TBCK: variants seen among roughly 807,000 people sequenced by gnomAD.
TBCK encodes TBC1 domain containing kinase, also known as TBC domain-containing protein kinase-like protein.
Under a neutral mutation model 113.4 loss-of-function variants are expected in TBCK, and 99 were observed. The ratio of observed to expected loss-of-function variants is 0.87; its 90% CI spans 0.74 to 1.03. The LOEUF (loss-of-function observed/expected upper bound fraction) is 1.03. TBCK is among the 50% of genes least tolerant of loss of function. The pLI is 0.00. For missense variants in TBCK, 1,045 were observed against 1,061.3 expected (o/e 0.98, Z 0.21); for synonymous variants, 369 against 370.8 (o/e 1.00, Z 0.05).
intron 5 of TBCK, among the ~76,000 whole-genome samples, chr4:106,256,164 T>C (rs1761963503): frequency 6.6e-6 from 1 of 152,068 alleles, no homozygotes; most frequent in African/African-American, 2.4e-5. Flanking sequence ...GCACCACAAG[T>C]TCCCACTCAG....
intron 22 of TBCK, among the ~76,000 whole-genome samples, chr4:106,187,450 T>C (rs1369192494): frequency 6.6e-6 from 1 of 152,066 alleles, no homozygotes; most frequent in Non-Finnish European, 1.5e-5. Context: ...GGAGTCTTGC[T>C]CTGTTGCCCA....
At position 106,231,719 on chromosome 4, in the gene TBCK, A is replaced by G. The variant is rs780015612; in HGVS notation, c.1690+10T>C. On this transcript the variant is annotated intron_variant, in intron 18 of 25. Transcript: ENST00000394708. ...TGCGCAATGATTATTTAAATGTTAA[A>G]GAGGCTTACCTTCATTATTGAAGTT... 6.2e-7 allele frequency: 1 copy of G among 1,602,350 alleles called. No individual in the cohort carries two copies. The highest frequency in any genetic ancestry group is 8.5e-7 in the Non-Finnish European group (1 of 1,173,784).
chr4:106,071,443 T>C (rs1168557326), intron 25 of TBCK, among the ~76,000 whole-genome samples: 1 of 152,234 alleles, frequency 6.6e-6, no homozygotes, highest in Non-Finnish European at 1.5e-5. Context: ...TCTAGTTTGA[T>C]TGCACTGTGG....
chr4:106,313,381 GAA>G (rs937670526), intron 1 of TBCK, among the ~76,000 whole-genome samples: 2 of 143,312 alleles, frequency 1.4e-5, no homozygotes, highest in African/African-American at 2.6e-5. Context: ...CAAAAAAAAG[GAA>G]AAAAAAAAAG....
intron 20 of TBCK, among the ~76,000 whole-genome samples, chr4:106,210,674 A>G (rs1375309113): frequency 6.6e-6 from 1 of 152,164 alleles, no homozygotes; most frequent in Non-Finnish European, 1.5e-5. Context: ...GTGGATTTAT[A>G]TATATTTAAG....
At chr4:106,051,516 T>C (rs1734810399) in intron 25 of TBCK, among the ~76,000 whole-genome samples, 3 of 151,916 alleles carry the variant, frequency 2.0e-5, no homozygotes, top group Admixed American at 2.0e-4. Context: ...GCAATTATCC[T>C]ATAATAAGCA....
intron 20 of TBCK, among the ~76,000 whole-genome samples, chr4:106,200,961 A>G (rs986244141): frequency 5.3e-5 from 8 of 152,202 alleles, no homozygotes; most frequent in Admixed American, 2.6e-4. Context: ...AATATTGGGG[A>G]AAAATCCTTC....
At chr4:106,287,139 C>T (rs1448855024) in intron 3 of TBCK, among the ~76,000 whole-genome samples, 1 of 151,994 alleles carries the variant, frequency 6.6e-6, no homozygotes. Flanking sequence ...AGCACAAGAC[C>T]ATGGATAACA....
intron 25 of TBCK, among the ~76,000 whole-genome samples, chr4:106,070,149 T>C (rs934097616): frequency 1.3e-5 from 2 of 152,202 alleles, no homozygotes; most frequent in Admixed American, 1.3e-4. Flanking sequence ...TCCTGCCTGA[T>C]TGCCCTGGCC....
At chr4:106,098,964 A>C (rs924048339) in intron 24 of TBCK, among the ~76,000 whole-genome samples, 1 of 152,124 alleles carries the variant, frequency 6.6e-6, no homozygotes, top group African/African-American at 2.4e-5. Flanking sequence ...AAATTACTGT[A>C]AACTTCTGAT....
intron 23 of TBCK, among the ~76,000 whole-genome samples, chr4:106,125,960 T>C (rs142303230): frequency 4.6e-5 from 7 of 152,356 alleles, no homozygotes; most frequent in African/African-American, 1.7e-4. Context: ...ATAAAGTATT[T>C]AGAATGGCGT....
intron 3 of TBCK, among the ~76,000 whole-genome samples, chr4:106,265,776 GCT>G (rs965995494): frequency 6.6e-6 from 1 of 151,486 alleles, no homozygotes; most frequent in Admixed American, 6.6e-5. Context: ...CCATCTCCAG[GCT>G]CTGTTTTTCT....
chr4:106,293,527 A>G (rs187489509), intron 3 of TBCK, among the ~76,000 whole-genome samples: 1 of 152,258 alleles, frequency 6.6e-6, no homozygotes, highest in Non-Finnish European at 1.5e-5. Flanking sequence ...TCCCAAAATC[A>G]TCCCTCCACC....
intron 25 of TBCK, among the ~76,000 whole-genome samples, chr4:106,086,017 C>A (rs1204076092): frequency 6.6e-6 from 1 of 151,994 alleles, no homozygotes; most frequent in Non-Finnish European, 1.5e-5. Flanking sequence ...AATCGACACC[C>A]TAACATCACA....
intron 25 of TBCK, among the ~76,000 whole-genome samples, chr4:106,063,345 G>A (rs954533028): frequency 6.6e-6 from 1 of 151,844 alleles, no homozygotes; most frequent in Non-Finnish European, 1.5e-5. Context: ...GTATAAAGAG[G>A]TCTAATAAAT....
Position 106,102,752 on chromosome 4 carries a change from G to C in TBCK, c.2412-7111C>G, listed in dbSNP as rs192531573. Among the ~76,000 whole-genome samples the C allele has an allele frequency of 1.8e-3, 268 of 152,206 alleles. 1 individual carries two copies. The highest frequency in any genetic ancestry group is 5.9e-3 in the African/African-American group (246 of 41,526). On this transcript the variant is annotated intron_variant, in intron 24 of 25. Transcript: ENST00000394708. ...CAAAACAGAAGATAAACATGATACA[G>C]GGACATTATAAATAATTTGAACAAC...
intron 3 of TBCK, among the ~76,000 whole-genome samples, chr4:106,287,074 C>T (rs982409711): frequency 1.3e-5 from 2 of 152,092 alleles, no homozygotes; most frequent in African/African-American, 4.8e-5. Flanking sequence ...GAGGACTGCT[C>T]TCTTTGTGGC....
chr4:106,164,534 T>C (rs1217295525), intron 23 of TBCK: 1 of 151,848 alleles, frequency 6.6e-6, no homozygotes, highest in African/African-American at 2.4e-5. Context: ...TATATTAATA[T>C]ATATGTTTCA....
At chr4:106,214,656 G>C (rs1009157187) in intron 19 of TBCK, among the ~76,000 whole-genome samples, 1 of 152,064 alleles carries the variant, frequency 6.6e-6, no homozygotes, top group Non-Finnish European at 1.5e-5. Flanking sequence ...GAGAAGGAAA[G>C]TTTAGAGAAA....
Sources: allele counts gnomAD v4.1 joint callset (sites outside exome capture counted in the v4.1 genomes callset), GRCh38; gene constraint gnomAD v4.1.1; transcripts MANE v1.5; gene names NCBI Gene and HGNC (gene_info 2026-07-23, HGNC 2026-07-21).